LRRC4C: variants seen among roughly 807,000 people sequenced by gnomAD.
LRRC4C encodes leucine-rich repeat-containing protein 4C.
A neutral mutation model predicts 33.6 loss-of-function variants in LRRC4C; 5 were observed. The observed-to-expected ratio is 0.15, with a 90% CI of 0.08 to 0.31. LRRC4C has a LOEUF of 0.31. Among genes scored for constraint, LRRC4C ranks in the 10% least tolerant of loss-of-function variants. The pLI, the probability that LRRC4C is intolerant of heterozygous loss-of-function variation, is 1.00. For missense variants in LRRC4C, 560 were observed against 796.7 expected (o/e 0.70, Z 3.58); for synonymous variants, 329 against 302.0 (o/e 1.09, Z -0.93).
intron 1 of LRRC4C, among the ~76,000 whole-genome samples, chr11:41,010,917 A>G (rs1855128241): frequency 6.6e-6 from 1 of 152,142 alleles, no homozygotes. Context: ...AGATGTAAGG[A>G]TTGAAAATAT....
At chr11:40,822,020 T>A (rs1242343372) in intron 2 of LRRC4C, among the ~76,000 whole-genome samples, 2 of 151,808 alleles carry the variant, frequency 1.3e-5, no homozygotes, top group African/African-American at 4.8e-5. Flanking sequence ...GGAGATATTT[T>A]AAATATTTTT....
At chr11:40,813,139 C>A (rs1191036213) in intron 2 of LRRC4C, among the ~76,000 whole-genome samples, 1 of 152,146 alleles carries the variant, frequency 6.6e-6, no homozygotes, top group Non-Finnish European at 1.5e-5. Flanking sequence ...GCCCAGGTTA[C>A]CCCAGCAAAT....
intron 1 of LRRC4C, among the ~76,000 whole-genome samples, chr11:41,406,748 A>ACACACACACACACACG (rs936627444): frequency 6.9e-6 from 1 of 145,468 alleles, no homozygotes; most frequent in African/African-American, 2.6e-5. Context: ...ACACACACAC[A>ACACACACACACACACG]CACGCACCCT....
At chr11:41,197,525 T>C (rs1946232017) in intron 1 of LRRC4C, among the ~76,000 whole-genome samples, 1 of 152,014 alleles carries the variant, frequency 6.6e-6, no homozygotes, top group South Asian at 2.1e-4. Context: ...CTCAAAAACA[T>C]CAAACAGCAC....
chr11:40,480,881 C>T (rs1216299419), intron 3 of LRRC4C, among the ~76,000 whole-genome samples: 1 of 151,824 alleles, frequency 6.6e-6, no homozygotes, highest in Non-Finnish European at 1.5e-5. Flanking sequence ...TCTAAAAAGG[C>T]AAACTCATAG....
chr11:40,641,429 C>G (rs1942114210), intron 3 of LRRC4C, among the ~76,000 whole-genome samples: 1 of 152,066 alleles, frequency 6.6e-6, no homozygotes, highest in South Asian at 2.1e-4. Context: ...TTTTATAGCT[C>G]TAGGCACTCA....
intron 3 of LRRC4C, among the ~76,000 whole-genome samples, chr11:40,367,134 T>G (rs1356757725): frequency 6.6e-6 from 1 of 152,108 alleles, no homozygotes; most frequent in Non-Finnish European, 1.5e-5. Flanking sequence ...CACGTCTATC[T>G]TGTTTGCCAT....
intron 1 of LRRC4C, among the ~76,000 whole-genome samples, chr11:41,143,639 A>G (rs1943608088): frequency 6.6e-6 from 1 of 152,170 alleles, no homozygotes; most frequent in South Asian, 2.1e-4. Context: ...CATTTGAACA[A>G]TGGTTCTCGA....
At chr11:40,421,425 G>A (rs552753675) in intron 3 of LRRC4C, among the ~76,000 whole-genome samples, 77 of 152,272 alleles carry the variant, frequency 5.1e-4, no homozygotes, top group African/African-American at 1.8e-3. Context: ...CCAGCCAGTC[G>A]CTTGTGGGCA....
At chr11:40,571,665 T>C (rs951119278) in intron 3 of LRRC4C, among the ~76,000 whole-genome samples, 1 of 152,154 alleles carries the variant, frequency 6.6e-6, no homozygotes, top group African/African-American at 2.4e-5. Context: ...TAAAACAATA[T>C]CTGATCCTAA....
chr11:41,028,289 C>T (rs1405023547), intron 1 of LRRC4C, among the ~76,000 whole-genome samples: 1 of 151,414 alleles, frequency 6.6e-6, no homozygotes, highest in African/African-American at 2.4e-5. Context: ...ATTCTACAAA[C>T]ATTGGCAAAG....
chr11:40,508,433 T>C (rs1955146031), intron 3 of LRRC4C, among the ~76,000 whole-genome samples: 1 of 152,048 alleles, frequency 6.6e-6, no homozygotes, highest in Non-Finnish European at 1.5e-5. Flanking sequence ...TGTAGTACAG[T>C]GTAATGCTAC....
At chr11:40,621,729 C>T (rs1013398745) in intron 3 of LRRC4C, among the ~76,000 whole-genome samples, 1 of 151,696 alleles carries the variant, frequency 6.6e-6, no homozygotes. Flanking sequence ...ATGGTATGTG[C>T]TCAATTAAAG....
intron 1 of LRRC4C, among the ~76,000 whole-genome samples, chr11:41,132,523 T>C (rs1943062823): frequency 6.6e-6 from 1 of 152,098 alleles, no homozygotes. Flanking sequence ...AAAAAAATTC[T>C]GATAATGACA....
intron 2 of LRRC4C, among the ~76,000 whole-genome samples, chr11:40,802,899 C>T (rs964366632): frequency 4.6e-5 from 7 of 152,092 alleles, no homozygotes; most frequent in Admixed American, 3.9e-4. Flanking sequence ...AGGCTCATAC[C>T]AAGGAACATC....
intron 1 of LRRC4C, among the ~76,000 whole-genome samples, chr11:40,943,557 C>T (rs1342976805): frequency 1.3e-5 from 2 of 152,080 alleles, no homozygotes; most frequent in Non-Finnish European, 1.5e-5. Flanking sequence ...CCTGGTTTGC[C>T]CCAAGAGAGG....
intron 2 of LRRC4C, among the ~76,000 whole-genome samples, chr11:40,686,528 T>C (rs912387704): frequency 2.0e-5 from 3 of 151,998 alleles, no homozygotes; most frequent in African/African-American, 7.2e-5. Flanking sequence ...TGTGAAATTT[T>C]CTCAGGTGAT....
chr11:41,258,278 C>T (rs942820303), intron 1 of LRRC4C, among the ~76,000 whole-genome samples: 1 of 151,872 alleles, frequency 6.6e-6, no homozygotes, highest in East Asian at 1.9e-4. Flanking sequence ...CTAGTTATGG[C>T]ATTGAGTGTT....
At chr11:40,744,111 A>G (rs974187287) in intron 2 of LRRC4C, among the ~76,000 whole-genome samples, 1 of 152,080 alleles carries the variant, frequency 6.6e-6, no homozygotes. Flanking sequence ...GTTTCTGTAC[A>G]CTAGGGATAT....
Sources: allele counts gnomAD v4.1 joint callset (sites outside exome capture counted in the v4.1 genomes callset), GRCh38; gene constraint gnomAD v4.1.1; transcripts MANE v1.5; gene names NCBI Gene and HGNC (gene_info 2026-07-23, HGNC 2026-07-21).